Variants in EZR observed in about 807,000 individuals in gnomAD.
The protein encoded by EZR is ezrin.
Under a neutral mutation model 74.8 loss-of-function variants are expected in EZR, and 40 were observed. That is an observed-to-expected ratio of 0.53 (90% CI 0.42 to 0.70). The LOEUF is 0.70. EZR is among the 30% of genes least tolerant of loss of function. EZR has a pLI of 0.00. For missense variants in EZR, 678 were observed against 755.8 expected (o/e 0.90, Z 1.21); for synonymous variants, 341 against 283.3 (o/e 1.20, Z -2.05).
chr6:158,784,746 C>T lies in EZR; in HGVS notation c.468-19G>A. On this transcript the variant is annotated intron_variant, in intron 5 of 13. Coordinates refer to ENST00000367075, the MANE Select transcript of EZR (RefSeq NM_001111077.2). ...CATCACTCTGGAATGCAAAAGGAAACAGCACTGTCATCCTTAAGGAATGTG... is the reference window on the plus strand; with the variant it reads ...CATCACTCTGGAATGCAAAAGGAAATAGCACTGTCATCCTTAAGGAATGTG... 2 of 1,609,284 alleles carry T rather than the reference C, an allele frequency of 1.2e-6. No homozygotes were observed. The highest frequency in any genetic ancestry group is 1.7e-6 in the Non-Finnish European group (2 of 1,175,586).
rs1790919643 is a variant in EZR, at chr6:158,767,371, G to A, written c.1486C>T (p.Pro496Ser). 1 of 1,613,770 alleles carries A rather than the reference G, an allele frequency of 6.2e-7. No homozygotes were observed. The highest frequency in any genetic ancestry group is 1.1e-5 in the South Asian group (1 of 91,068). The change falls in exon 13 of 14, where the codon CCC (proline) becomes TCC (serine). Residue 496 changes from proline (P) to serine (S), a missense_variant. Physicochemically the swap from Pro to Ser is moderately conservative, Grantham distance 74 (BLOSUM62 -1). Transcript: ENST00000367075. ...QESLQDEGAE[P>S]TGYSAELSSE... ...GACAGCTCCGCGCTGTAGCCCGTGG[G>A]CTCTGCGCCCTCATCCTGCAAGCTC...
intron 8 of EZR, 71 bp downstream of exon 8, chr6:158,776,337 A>G (rs1005091396): frequency 8.0e-7 from 1 of 1,251,230 alleles, no homozygotes; most frequent in African/African-American, 1.5e-5. Context: ...TCACAGTATA[A>G]CTTGTCCGTT....
chr6:158,789,167 TTCTCA>T, intron 3 of EZR, 116 bp downstream of exon 3: 1 of 682,274 alleles, frequency 1.5e-6, no homozygotes, highest in East Asian at 2.8e-5. Flanking sequence ...TAAAAGATCC[TTCTCA>T]TCTATTACCT....
intron 2 of EZR, among the ~76,000 whole-genome samples, chr6:158,810,745 A>T (rs1777436215): frequency 6.6e-6 from 1 of 152,234 alleles, no homozygotes; most frequent in African/African-American, 2.4e-5. Context: ...GTTTTTACCT[A>T]ACAGGGTTAA....
intron 7 of EZR, among the ~76,000 whole-genome samples, chr6:158,779,751 G>C (rs1342949502): frequency 6.6e-6 from 1 of 152,040 alleles, no homozygotes; most frequent in African/African-American, 2.4e-5. Context: ...TTTTGGTGGA[G>C]ACGGGGTTTT....
At chr6:158,770,635 C>T (rs761692128) in intron 10 of EZR, 129 bp downstream of exon 10, 38 of 1,002,414 alleles carry the variant, frequency 3.8e-5, no homozygotes, top group East Asian at 3.1e-4. Context: ...TTTATCATTT[C>T]GGCTGTGAGT....
intron 4 of EZR, 133 bp from the exon 5 acceptor site, chr6:158,785,716 C>T: frequency 1.7e-6 from 2 of 1,144,166 alleles, no homozygotes; most frequent in Non-Finnish European, 2.4e-6. Flanking sequence ...TTAAAGTCAT[C>T]TTTTTAGCAC....
chr6:158,818,715 G>T (rs1444117616), intron 1 of EZR, among the ~76,000 whole-genome samples: 1 of 150,786 alleles, frequency 6.6e-6, no homozygotes, highest in African/African-American at 2.4e-5. Flanking sequence ...GGCCCGGGGA[G>T]AGGGAGCGCG....
At chr6:158,800,933 T>C (rs1777174675) in intron 2 of EZR, among the ~76,000 whole-genome samples, 1 of 152,214 alleles carries the variant, frequency 6.6e-6, no homozygotes, top group Non-Finnish European at 1.5e-5. Flanking sequence ...TTATTTTATA[T>C]GACCTCTTCT....
At chr6:158,788,003 A>T (rs931263495) in intron 3 of EZR, among the ~76,000 whole-genome samples, 2 of 152,212 alleles carry the variant, frequency 1.3e-5, no homozygotes, top group Non-Finnish European at 2.9e-5. Context: ...AACATCATCT[A>T]AACCGAGTCC....
intron 2 of EZR, among the ~76,000 whole-genome samples, chr6:158,805,656 T>C (rs60006384): frequency 0.039 from 5,911 of 152,260 alleles, 370 homozygotes; most frequent in African/African-American, 0.14. Context: ...AAGCAAACCC[T>C]GCCAAAACTT....
chr6:158,768,143 C>T (rs774233286), intron 12 of EZR, among the ~76,000 whole-genome samples: 5 of 151,952 alleles, frequency 3.3e-5, no homozygotes, highest in Middle Eastern at 3.2e-3. Context: ...GACTGGATTA[C>T]GGGGTGGTTT....
chr6:158,792,914 C>T (rs1378816959), intron 2 of EZR, among the ~76,000 whole-genome samples: 1 of 151,958 alleles, frequency 6.6e-6, no homozygotes, highest in Non-Finnish European at 1.5e-5. Flanking sequence ...AGCTCCAACA[C>T]AATGCCAACT....
chr6:158,800,963 A>G (rs3102990), intron 2 of EZR, among the ~76,000 whole-genome samples: 80,347 of 152,052 alleles, frequency 0.53, 22,133 homozygotes, highest in Non-Finnish European at 0.61. Flanking sequence ...AAAGAAGAAC[A>G]TGAGCGCAAA....
intron 2 of EZR, among the ~76,000 whole-genome samples, chr6:158,803,609 ATATATATATATATATAC>A (rs1777259618): frequency 1.3e-4 from 2 of 15,994 alleles, no homozygotes; most frequent in African/African-American, 3.3e-4. Context: ...ATATATACAT[ATATATATATATATATAC>A]ATATACATAC....
chr6:158,777,785 C>T (rs924514039), intron 7 of EZR, among the ~76,000 whole-genome samples: 11 of 152,102 alleles, frequency 7.2e-5, no homozygotes, highest in African/African-American at 7.2e-5. Flanking sequence ...GGGGAATTAG[C>T]GCAGTCAGTC....
chr6:158,779,340 TGAC>T, intron 7 of EZR, among the ~76,000 whole-genome samples: 1 of 152,126 alleles, frequency 6.6e-6, no homozygotes, highest in Non-Finnish European at 1.5e-5. Flanking sequence ...CAGGGAGGTC[TGAC>T]AACTAACTGT....
intron 3 of EZR, among the ~76,000 whole-genome samples, chr6:158,788,939 C>T (rs1265822555): frequency 6.6e-6 from 1 of 152,138 alleles, no homozygotes; most frequent in Admixed American, 6.6e-5. Flanking sequence ...AGCCGCGTCT[C>T]TAATACAGGG....
intron 7 of EZR, among the ~76,000 whole-genome samples, chr6:158,779,721 G>A (rs1048301939): frequency 3.2e-4 from 48 of 152,110 alleles, no homozygotes; most frequent in African/African-American, 1.1e-3. Flanking sequence ...GCACCACCAC[G>A]CCCAGCTAAT....
Sources: allele counts gnomAD v4.1 joint callset (sites outside exome capture counted in the v4.1 genomes callset), GRCh38; gene constraint gnomAD v4.1.1; transcripts MANE v1.5; gene names NCBI Gene and HGNC (gene_info 2026-07-23, HGNC 2026-07-21).